FAH: variants seen among roughly 807,000 people sequenced by gnomAD.
FAH encodes the protein fumarylacetoacetate hydrolase, also known as fumarylacetoacetase.
A neutral mutation model predicts 55.8 loss-of-function variants in FAH; 47 were observed. The ratio of observed to expected loss-of-function variants is 0.84; its 90% confidence interval spans 0.67 to 1.07. The LOEUF (loss-of-function observed/expected upper bound fraction) is 1.07, where lower values mean the gene tolerates loss of function less well. Ranked by LOEUF, FAH falls within the 50% of genes least tolerant of loss-of-function variation. The probability of loss-of-function intolerance (pLI) is 0.00; values close to 1 mark genes in which losing one functional copy is unlikely to be tolerated. For missense variants in FAH, 495 were observed against 545.9 expected, an observed-to-expected ratio of 0.91 and a Z score of 0.93; for synonymous variants, 199 against 207.7, an observed-to-expected ratio of 0.96 and a Z score of 0.36.
chr15:80,158,216 C>T, intron 2 of FAH, 46 bp downstream of exon 2: 2 of 1,267,032 alleles, frequency 1.6e-6, no homozygotes, highest in Non-Finnish European at 2.3e-6. Context: ...GTGGCACTTA[C>T]TGTGGATGCC....
At chr15:80,173,311 A>T in intron 9 of FAH, 167 bp downstream of exon 9, 1 of 838,996 alleles carries the variant, frequency 1.2e-6, no homozygotes, top group East Asian at 2.6e-5. Flanking sequence ...GATTACTTCC[A>T]GGCAGCCAGG....
Position 80,168,094 on chromosome 15 carries a change from C to T in FAH, c.498C>T (p.Val166=), listed in dbSNP as rs143712599. The T allele has an allele frequency of 1.1e-5, 17 of 1,614,044 alleles. No individual in the cohort carries two copies. The highest frequency in any genetic ancestry group is 1.6e-4 in the Middle Eastern group (1 of 6,084). The change falls in exon 6 of 14, where the codon GTC becomes GTT. Residue 166 remains valine, a synonymous_variant. Coordinates refer to ENST00000561421, the MANE Select transcript of FAH (RefSeq NM_000137.4). ...GCTACCATGGCCGTGCCTCCTCTGT[C>T]GTGGTGTCTGGCACCCCAATCCGAA... ...PVGYHGRASS[V]VVSGTPIRRP...
intron 1 of FAH, 24 bp downstream of exon 1, chr15:80,153,159 C>T: frequency 6.6e-7 from 1 of 1,520,780 alleles, no homozygotes; most frequent in Non-Finnish European, 8.9e-7. Flanking sequence ...CTTTGGCGTC[C>T]GGGCGCGGGG....
intron 1 of FAH, among the ~76,000 whole-genome samples, chr15:80,153,473 A>T (rs1370277): frequency 0.15 from 23,007 of 152,080 alleles, 1,834 homozygotes; most frequent in Middle Eastern, 0.3. Flanking sequence ...GCCTACTCCG[A>T]GGTGGTTGCG....
chr15:80,165,401 G>A (rs1404229214), intron 5 of FAH, among the ~76,000 whole-genome samples: 2 of 152,114 alleles, frequency 1.3e-5, no homozygotes, highest in African/African-American at 4.8e-5. Context: ...GATGGCGGGT[G>A]CCTGTAATTT....
chr15:80,169,986 G>A (rs2041226242), intron 7 of FAH, among the ~76,000 whole-genome samples: 1 of 152,222 alleles, frequency 6.6e-6, no homozygotes, highest in South Asian at 2.1e-4. Context: ...ATCACAACCT[G>A]GATGTTGATG....
At chr15:80,166,602 G>A (rs1420807689) in intron 5 of FAH, among the ~76,000 whole-genome samples, 3 of 148,960 alleles carry the variant, frequency 2.0e-5, no homozygotes, top group Non-Finnish European at 4.5e-5. Flanking sequence ...TTCTTTGTTT[G>A]CCAGTCTTTC....
chr15:80,161,284 T>TG (rs1336331737), intron 4 of FAH, among the ~76,000 whole-genome samples: 1 of 152,062 alleles, frequency 6.6e-6, no homozygotes, highest in African/African-American at 2.4e-5. Context: ...TTTTTTTTTT[T>TG]TTGTTATGGA....
Position 80,180,147 on chromosome 15 carries a change from G to A in FAH, c.984G>A (p.Gln328=), listed in dbSNP as rs1247692724. 6.2e-7 allele frequency: 1 copy of A among 1,611,036 alleles called. No individual in the cohort carries two copies. The highest frequency in any genetic ancestry group is 8.5e-7 in the Non-Finnish European group (1 of 1,179,934). Residue 328 remains glutamine, a synonymous_variant, in exon 12 of 14, where the codon CAG becomes CAA. Coordinates refer to ENST00000561421, the MANE Select transcript of FAH (RefSeq NM_000137.4). ...AGTACATGTACTGGACGATGCTGCAGCAGCTCACTCACCACTCTGTCAACG... is the reference window on the plus strand; with the variant it reads ...AGTACATGTACTGGACGATGCTGCAACAGCTCACTCACCACTCTGTCAACG... ...NFKYMYWTML[Q]QLTHHSVNGC... is the part of the protein sequence containing the mutation.
At chr15:80,168,206 A>T in intron 6 of FAH, 57 bp downstream of exon 6, 1 of 1,608,004 alleles carries the variant, frequency 6.2e-7, no homozygotes, top group Non-Finnish European at 8.5e-7. Context: ...TCCCACACAG[A>T]GAGTTCTGTG....
At chr15:80,165,738 A>T (rs539216943) in intron 5 of FAH, among the ~76,000 whole-genome samples, 1 of 151,946 alleles carries the variant, frequency 6.6e-6, no homozygotes, top group South Asian at 2.1e-4. Context: ...ACAGTAATAA[A>T]AGTGTATAGA....
In FAH at chr15:80,178,704, C is replaced by T. The variant is rs1041065659; in HGVS notation, c.960+1121C>T. On this transcript the variant is annotated intron_variant, in intron 11 of 13. Coordinates refer to ENST00000561421, the MANE Select transcript of FAH (RefSeq NM_000137.4). The stretch of plus-strand genomic sequence containing the variant: ...GTTCATGCCATTCTCCTGCCTCAGC[C>T]TCCCGGGTAGCTGGGACTACAGGTG... 2.6e-5 allele frequency among the ~76,000 whole-genome samples: 4 copies of T among 152,112 alleles called. No individual in the cohort carries two copies. The East Asian group carries it at 7.7e-4, about 29-fold the overall frequency.
rs761041640 is a variant in FAH, at chr15:80,186,089, C to G, written c.1181-41C>G. The stretch of plus-strand genomic sequence containing the variant: ...TGCCTAGGTGTTGGTTCCGGTGAGC[C>G]CAGCAACTTTGTGACTGATCCTTGT... On this transcript the variant is annotated intron_variant, in intron 13 of 13. Transcript: ENST00000561421. The G allele has an allele frequency of 1.8e-5, 29 of 1,570,034 alleles. No individual in the cohort carries two copies. In the East Asian group the frequency reaches 4.5e-4, roughly 24 times the overall value.
chr15:80,178,838 T>G (rs569577683), intron 11 of FAH, among the ~76,000 whole-genome samples: 3 of 152,246 alleles, frequency 2.0e-5, no homozygotes, highest in African/African-American at 4.8e-5. Flanking sequence ...TCCGCCCGCC[T>G]CAGCCTCCCA....
At chr15:80,170,487 C>T (rs927090374) in intron 7 of FAH, among the ~76,000 whole-genome samples, 9 of 152,336 alleles carry the variant, frequency 5.9e-5, no homozygotes, top group African/African-American at 9.6e-5. Context: ...CCGAATAGCC[C>T]GTGGATAGCA....
At chr15:80,164,120 A>G (rs112881346) in intron 5 of FAH, among the ~76,000 whole-genome samples, 81 of 152,348 alleles carry the variant, frequency 5.3e-4, no homozygotes, top group African/African-American at 1.6e-3. Flanking sequence ...TTAAAACACA[A>G]ATATATTCTC....
At chr15:80,152,838 C>T, upstream of FAH, 1 of 413,164 alleles carries the variant, frequency 2.4e-6, no homozygotes, top group Admixed American at 5.3e-5. Flanking sequence ...TGGCGGGGGT[C>T]AGGGTAGGGG....
chr15:80,167,724 G>T (rs1206805923), intron 5 of FAH, among the ~76,000 whole-genome samples: 1 of 151,860 alleles, frequency 6.6e-6, no homozygotes, highest in African/African-American at 2.4e-5. Context: ...TAAAGACGGG[G>T]TTTCACCATG....
chr15:80,156,977 C>T (rs2041105398), intron 1 of FAH: 1 of 152,308 alleles, frequency 6.6e-6, no homozygotes, highest in Non-Finnish European at 1.5e-5. Flanking sequence ...GAGATGTGGT[C>T]CAAGGGTCTG....
Sources: gnomAD v4.1 joint callset for allele counts (sites outside exome capture counted in the v4.1 genomes callset) on GRCh38, gnomAD v4.1.1 for gene constraint, MANE v1.5 for transcripts, NCBI Gene and HGNC (gene_info 2026-07-23, HGNC 2026-07-21) for gene names.